The following OLFM3 variants were observed in gnomAD, a reference collection of about 807,000 sequenced individuals.
The protein encoded by OLFM3 is olfactomedin 3, also known as noelin-3.
In OLFM3, 20 loss-of-function variants were observed where a neutral mutation model predicts 48.6. That is an observed-to-expected ratio of 0.41 (90% CI 0.29 to 0.60). The LOEUF is 0.60. OLFM3 is among the 20% of genes least tolerant of loss of function. OLFM3 has a pLI of 0.28. For synonymous variants in OLFM3, 222 were observed against 198.1 expected (o/e 1.12, Z -1.01); for missense variants, 437 against 544.3 (o/e 0.80, Z 1.96).
rs1653648421 is a variant in OLFM3 at position 101,804,246 on chromosome 1, C to A, written c.1369G>T (p.Asp457Tyr). Residue 457 changes from aspartate to tyrosine, a missense_variant, in exon 6 of 6, where the codon GAC becomes TAC. Asp to Tyr is a radical substitution (Grantham distance 160). Transcript: ENST00000370103. This position sits in a 1 kb window ranked among gnomAD's most constrained non-coding sequence, Gnocchi z 4.5. ...AAACATGTCACATTTGCCTATGTGT[C>A]ATCCTCTGTCTTGATGATATGGAAA... ...TLFHIIKTED[D>Y]T The A allele has an allele frequency of 1.3e-6, 2 of 1,585,306 alleles. No individual in the cohort carries two copies. The highest frequency in any genetic ancestry group is 1.2e-5 in the South Asian group (1 of 85,434).
At chr1:101,859,926 T>C (rs1656581620) in intron 1 of OLFM3, 2 of 151,926 alleles carry the variant, frequency 1.3e-5, no homozygotes, top group Admixed American at 1.3e-4. Flanking sequence ...CCCAAGAAAT[T>C]GGGGATACAG....
In OLFM3 at chr1:101,880,211, C is replaced by A. The variant is rs558847997; in HGVS notation, c.70-43186G>T. ...TTTCATCATGAACAGGGTTTCACCA[C>A]GTTGGCCAGGCTGGTCTCAAATGAC... On this transcript the variant is annotated intron_variant, in intron 1 of 5. Transcript: ENST00000370103. 1.4e-4 allele frequency among the ~76,000 whole-genome samples: 21 copies of A among 151,846 alleles called. No individual in the cohort carries two copies. In the South Asian group the frequency reaches 4.4e-3, roughly 32 times the overall value.
At chr1:101,823,372 A>T (rs950020960) in intron 4 of OLFM3, among the ~76,000 whole-genome samples, 1 of 152,064 alleles carries the variant, frequency 6.6e-6, no homozygotes, top group East Asian at 1.9e-4. Flanking sequence ...TGACAAATGA[A>T]TAGTTTATCA....
intron 4 of OLFM3, among the ~76,000 whole-genome samples, chr1:101,809,101 C>G: frequency 6.6e-6 from 1 of 150,964 alleles, no homozygotes; most frequent in East Asian, 1.9e-4. Flanking sequence ...AATCTAGAAG[C>G]TCCAACATCC....
At chr1:101,830,060 A>C (rs533726681) in intron 3 of OLFM3, among the ~76,000 whole-genome samples, 4 of 151,906 alleles carry the variant, frequency 2.6e-5, no homozygotes, top group Non-Finnish European at 5.9e-5. Flanking sequence ...GGATGGTCTC[A>C]ATCTCCTGAC....
At chr1:101,863,172 T>G (rs925681961) in intron 1 of OLFM3, among the ~76,000 whole-genome samples, 1 of 152,170 alleles carries the variant, frequency 6.6e-6, no homozygotes, top group Non-Finnish European at 1.5e-5. Context: ...ATGTGGGCCG[T>G]GCTGGTCTCG....
chr1:101,805,466 C>A (rs1244341646), intron 5 of OLFM3, among the ~76,000 whole-genome samples: 3 of 151,526 alleles, frequency 2.0e-5, no homozygotes, highest in Non-Finnish European at 4.4e-5. Flanking sequence ...TAGAAATAAC[C>A]CTAGAGAATC....
At chr1:101,893,929 A>C (rs1658098149) in intron 1 of OLFM3, 1 of 153,854 alleles carries the variant, frequency 6.5e-6, no homozygotes, top group Non-Finnish European at 1.5e-5. Flanking sequence ...ACTTTGATTC[A>C]AATCAGGAAA....
intron 4 of OLFM3, among the ~76,000 whole-genome samples, chr1:101,813,687 A>C (rs942736065): frequency 2.6e-5 from 4 of 152,060 alleles, no homozygotes; most frequent in African/African-American, 9.7e-5. Flanking sequence ...AGGTTGCTTC[A>C]TGTCTGTCAT....
At chr1:101,814,305 C>A in intron 4 of OLFM3, among the ~76,000 whole-genome samples, 1 of 149,048 alleles carries the variant, frequency 6.7e-6, no homozygotes, top group African/African-American at 2.5e-5. Flanking sequence ...GTTCCAGATA[C>A]TAGAGTTAAC....
chr1:101,956,103 T>TAA (rs1553183053), intron 1 of OLFM3, among the ~76,000 whole-genome samples: 22 of 143,304 alleles, frequency 1.5e-4, no homozygotes, highest in South Asian at 7.0e-4. Context: ...TTTTTTTTTT[T>TAA]AAAAAAAACC....
intron 1 of OLFM3, among the ~76,000 whole-genome samples, chr1:101,932,559 C>T (rs72731622): frequency 6.6e-6 from 1 of 152,046 alleles, no homozygotes; most frequent in Non-Finnish European, 1.5e-5. Context: ...AGAAACAAAC[C>T]CAGTCAACTG....
At chr1:101,944,482 C>T (rs909698583) in intron 1 of OLFM3, among the ~76,000 whole-genome samples, 1 of 152,174 alleles carries the variant, frequency 6.6e-6, no homozygotes. Flanking sequence ...GAAAACCATT[C>T]CTAACCTAGA....
chr1:101,942,234 A>G (rs1291224926), intron 1 of OLFM3, among the ~76,000 whole-genome samples: 1 of 152,220 alleles, frequency 6.6e-6, no homozygotes, highest in African/African-American at 2.4e-5. Flanking sequence ...ATATTCTTTC[A>G]GAAACACTTC....
intron 2 of OLFM3, among the ~76,000 whole-genome samples, chr1:101,831,519 G>C (rs921870832): frequency 6.6e-6 from 1 of 152,090 alleles, no homozygotes; most frequent in African/African-American, 2.4e-5. Context: ...AACCTATAAC[G>C]CATGCAGAAA....
At chr1:101,858,869 C>T (rs1457764077) in intron 1 of OLFM3, among the ~76,000 whole-genome samples, 1 of 151,988 alleles carries the variant, frequency 6.6e-6, no homozygotes, top group Non-Finnish European at 1.5e-5. Flanking sequence ...TCAGGTAGTT[C>T]TTTATAGCAA....
intron 1 of OLFM3, among the ~76,000 whole-genome samples, chr1:101,957,083 A>T (rs1328947717): frequency 6.6e-6 from 1 of 151,980 alleles, no homozygotes. Flanking sequence ...GGAATGCTAA[A>T]GTCTCAATCT....
At position 101,991,069 on chromosome 1, in the gene OLFM3, C is replaced by CAT. The variant is rs557926249; in HGVS notation, c.69+5677_69+5678dup. The stretch of plus-strand genomic sequence containing the variant: ...TCGTGGTTTTTGATTGGTAAGTGGG[C>CAT]ATAGACTGAGTAGATTAATGACCAG... On this transcript the variant is annotated intron_variant, in intron 1 of 5. Transcript: ENST00000370103. Among the ~76,000 whole-genome samples the CAT allele has an allele frequency of 7.0e-4, 83 of 119,394 alleles. 2 individuals carry two copies. The South Asian group carries it at 0.022, about 32-fold the overall frequency. The allele number at this position is 119,394 out of a possible 152,430, so 78.3% of individuals were successfully genotyped here.
intron 2 of OLFM3, among the ~76,000 whole-genome samples, chr1:101,833,792 A>T (rs1557694538): frequency 1.3e-5 from 2 of 152,244 alleles, no homozygotes; most frequent in Admixed American, 6.5e-5. Context: ...AATTTAACAC[A>T]TATAAACCGA....
Sources: gnomAD v4.1 joint callset for allele counts (sites outside exome capture counted in the v4.1 genomes callset) on GRCh38, gnomAD v4.1.1 for gene constraint, Gnocchi (gnomAD v3.1) non-coding constraint, MANE v1.5 for transcripts, NCBI Gene and HGNC (gene_info 2026-07-23, HGNC 2026-07-21) for gene names.